SYNPR: variants seen among roughly 807,000 people sequenced by gnomAD.
The protein encoded by SYNPR is synaptoporin.
In SYNPR, 23 loss-of-function variants were observed where a neutral mutation model predicts 32.9. That is an observed-to-expected ratio of 0.70 (90% CI 0.50 to 0.99). The LOEUF (loss-of-function observed/expected upper bound fraction) is 0.99. SYNPR is among the 50% of genes least tolerant of loss of function. SYNPR has a pLI of 0.00. For synonymous variants in SYNPR, 146 were observed against 135.9 expected (o/e 1.07, Z -0.52); for missense variants, 318 against 349.3 (o/e 0.91, Z 0.71).
At chr3:63,386,660 C>A (rs1426173073) in intron 2 of SYNPR, among the ~76,000 whole-genome samples, 1 of 148,718 alleles carries the variant, frequency 6.7e-6, no homozygotes, top group Non-Finnish European at 1.5e-5. Flanking sequence ...GCACACAAAT[C>A]TGATCATGAC....
At chr3:63,458,599 C>T (rs1434865784) in intron 2 of SYNPR, among the ~76,000 whole-genome samples, 1 of 152,150 alleles carries the variant, frequency 6.6e-6, no homozygotes, top group Non-Finnish European at 1.5e-5. Context: ...GAGAATGCCA[C>T]TTGCACATTC....
chr3:63,572,469 G>T (rs1702904016), intron 4 of SYNPR, among the ~76,000 whole-genome samples: 1 of 152,136 alleles, frequency 6.6e-6, no homozygotes, highest in South Asian at 2.1e-4. Flanking sequence ...GCCTAAGCCT[G>T]AGTCTCTCTA....
intron 2 of SYNPR, among the ~76,000 whole-genome samples, chr3:63,371,580 C>G (rs138109737): frequency 6.6e-6 from 1 of 152,328 alleles, no homozygotes; most frequent in African/African-American, 2.4e-5. Context: ...TTTTGCTGCC[C>G]TGCAGCCCTA....
chr3:63,609,030 C>A, intron 4 of SYNPR, 95 bp from the exon 5 acceptor site: 1 of 1,339,644 alleles, frequency 7.5e-7, no homozygotes, highest in Non-Finnish European at 1.0e-6. Flanking sequence ...TTAAAATTTT[C>A]CAAAAGGCAA....
Position 63,278,507 on chromosome 3 carries a change from G to A in SYNPR, c.-27G>A. Reference sequence around the variant, plus strand: ...ACTTCATTTTTAAAAAGAACTGGTGGATGAGAAGAGCGAGCGAGGGCGAGC... The same window carrying A: ...ACTTCATTTTTAAAAAGAACTGGTGAATGAGAAGAGCGAGCGAGGGCGAGC... On this transcript the variant is annotated 5_prime_UTR_variant, in exon 1 of 6. Coordinates refer to ENST00000478300, the MANE Select transcript of SYNPR (RefSeq NM_001130003.2). 1 of 1,546,384 alleles carries A rather than the reference G, an allele frequency of 6.5e-7. No homozygotes were observed.
intron 2 of SYNPR, among the ~76,000 whole-genome samples, chr3:63,381,128 T>C (rs929685628): frequency 1.3e-5 from 2 of 152,198 alleles, no homozygotes; most frequent in African/African-American, 2.4e-5. Context: ...TGTTTGCAGA[T>C]GATAAGATTG....
chr3:63,445,989 T>C (rs552302066), intron 2 of SYNPR, among the ~76,000 whole-genome samples: 1 of 152,298 alleles, frequency 6.6e-6, no homozygotes, highest in South Asian at 2.1e-4. Flanking sequence ...CCACTCAACT[T>C]GAGCAGATAC....
intron 3 of SYNPR, among the ~76,000 whole-genome samples, chr3:63,494,878 A>G (rs142923513): frequency 6.6e-6 from 1 of 152,110 alleles, no homozygotes. Flanking sequence ...AGTCCCCACA[A>G]TTGCAGAGAC....
chr3:63,569,234 C>G (rs1024454054), intron 4 of SYNPR, among the ~76,000 whole-genome samples: 1 of 152,128 alleles, frequency 6.6e-6, no homozygotes, highest in Non-Finnish European at 1.5e-5. Context: ...AAGCAATTAG[C>G]CTTGCACTTT....
At chr3:63,440,590 G>C (rs1700152312) in intron 2 of SYNPR, among the ~76,000 whole-genome samples, 1 of 152,016 alleles carries the variant, frequency 6.6e-6, no homozygotes, top group African/African-American at 2.4e-5. Context: ...TGCTCTATCT[G>C]GAAAAAAATA....
intron 2 of SYNPR, among the ~76,000 whole-genome samples, chr3:63,417,176 A>G (rs1314314384): frequency 2.0e-5 from 3 of 152,228 alleles, no homozygotes; most frequent in Non-Finnish European, 4.4e-5. Context: ...AGCCATTCCA[A>G]ATGGGATAAA....
At chr3:63,209,053 A>G in the SYNPR span, among the ~76,000 whole-genome samples, 2 of 152,212 alleles carry the variant, frequency 1.3e-5, no homozygotes, top group Non-Finnish European at 2.9e-5. Context: ...AAAAAAATGT[A>G]TAAACTCATC....
chr3:63,253,281 TA>T (rs953642937), intron 2 of SYNPR, among the ~76,000 whole-genome samples: 16 of 150,670 alleles, frequency 1.1e-4, no homozygotes, highest in Middle Eastern at 3.4e-3. Flanking sequence ...AAATTCACAG[TA>T]AAAAAAAATA....
chr3:63,516,045 T>C (rs571114024), intron 3 of SYNPR, among the ~76,000 whole-genome samples: 1 of 150,856 alleles, frequency 6.6e-6, no homozygotes, highest in South Asian at 2.1e-4. Flanking sequence ...GCACAGTCAT[T>C]ATAATTTTCA....
chr3:63,597,218 AATT>A (rs1210537721), intron 4 of SYNPR, among the ~76,000 whole-genome samples: 1 of 152,140 alleles, frequency 6.6e-6, no homozygotes, highest in Non-Finnish European at 1.5e-5. Flanking sequence ...CCAGGGCCAC[AATT>A]ATTATTCTTT....
At chr3:63,513,284 G>A (rs1701733299) in intron 3 of SYNPR, among the ~76,000 whole-genome samples, 1 of 151,596 alleles carries the variant, frequency 6.6e-6, no homozygotes, top group Admixed American at 6.6e-5. Context: ...CTAGGCTGAG[G>A]GATTCTCCCA....
chr3:63,469,431 A>T (rs1700755195), intron 2 of SYNPR, among the ~76,000 whole-genome samples: 1 of 152,152 alleles, frequency 6.6e-6, no homozygotes, highest in Non-Finnish European at 1.5e-5. Context: ...TCTTCAATGC[A>T]CTAAGATATG....
chr3:63,456,953 TTGG>T (rs1378290975), intron 2 of SYNPR, among the ~76,000 whole-genome samples: 6 of 151,956 alleles, frequency 3.9e-5, no homozygotes, highest in African/African-American at 1.5e-4. Context: ...TCTATCAGAG[TTGG>T]TGGGTCCAGA....
At chr3:63,209,907 G>T in the SYNPR span, among the ~76,000 whole-genome samples, 2 of 152,142 alleles carry the variant, frequency 1.3e-5, no homozygotes, top group African/African-American at 4.8e-5. Context: ...CTTGCTCAGT[G>T]CTCCCTATAA....
Sources: allele counts gnomAD v4.1 joint callset (sites outside exome capture counted in the v4.1 genomes callset), GRCh38; gene constraint gnomAD v4.1.1; transcripts MANE v1.5; gene names NCBI Gene and HGNC (gene_info 2026-07-23, HGNC 2026-07-21).